PACSIN1: variants seen among roughly 807,000 people sequenced by gnomAD.
PACSIN1 encodes the protein protein kinase C and casein kinase substrate in neurons 1, also known as protein kinase C and casein kinase substrate in neurons protein 1.
In PACSIN1, 15 loss-of-function variants were observed where a neutral mutation model predicts 59.5. That is an observed-to-expected ratio of 0.25 (90% CI 0.17 to 0.39). The LOEUF (loss-of-function observed/expected upper bound fraction) is 0.39. PACSIN1 is among the 10% of genes least tolerant of loss of function. The probability of loss-of-function intolerance (pLI) is 1.00; values close to 1 mark genes in which losing one functional copy is unlikely to be tolerated. For synonymous variants in PACSIN1, 210 were observed against 220.6 expected (o/e 0.95, Z 0.42); for missense variants, 420 against 580.2 (o/e 0.72, Z 2.84).
At chr6:34,490,226 C>T (rs9469794) in intron 1 of PACSIN1, among the ~76,000 whole-genome samples, 19 of 102,706 alleles carry the variant, frequency 1.8e-4, no homozygotes, top group African/African-American at 6.2e-4. Flanking sequence ...AATTTAAAAA[C>T]TTTTTTTTTT....
intron 1 of PACSIN1, among the ~76,000 whole-genome samples, chr6:34,505,109 C>T (rs1767088996): frequency 6.6e-6 from 1 of 152,070 alleles, no homozygotes. Flanking sequence ...CCCAGGAGGC[C>T]TCAGCCTCCC....
At chr6:34,506,850 C>T (rs1446463447) in intron 1 of PACSIN1, among the ~76,000 whole-genome samples, 1 of 152,140 alleles carries the variant, frequency 6.6e-6, no homozygotes, top group Non-Finnish European at 1.5e-5. Flanking sequence ...GAGGGAGGGG[C>T]ACCTTGTTAT....
At chr6:34,476,351 G>A (rs1008207366) in intron 1 of PACSIN1, among the ~76,000 whole-genome samples, 13 of 152,222 alleles carry the variant, frequency 8.5e-5, no homozygotes, top group African/African-American at 2.9e-4. Flanking sequence ...GTGTGATAGA[G>A]CTGGGATTCG....
chr6:34,528,669 C>T lies in PACSIN1; in HGVS notation c.248C>T (p.Ala83Val). 6.2e-7 allele frequency: 1 copy of T among 1,613,870 alleles called. No individual in the cohort carries two copies. Among genetic ancestry groups the T allele is most frequent in the Non-Finnish European group, 8.5e-7 (1 of 1,179,942 alleles). Residue 83 changes from alanine to valine, a missense_variant, in exon 4 of 10, where the codon GCC becomes GTC. Ala to Val is a moderately conservative substitution (Grantham distance 64). Coordinates refer to ENST00000244458, the MANE Select transcript of PACSIN1 (RefSeq NM_020804.5). Reference sequence around the variant, plus strand: ...CCACAGTATGGCAGCCTGGAGCGGGCCTGGGGTGCCATAATGACAGAGGCA... The same window carrying T: ...CCACAGTATGGCAGCCTGGAGCGGGTCTGGGGTGCCATAATGACAGAGGCA... ...KGPQYGSLER[A>V]WGAIMTEADK...
At position 34,496,256 on chromosome 6, in the gene PACSIN1, C is replaced by T. The variant is rs947999449; in HGVS notation, c.-64+29986C>T. Among the ~76,000 whole-genome samples the T allele has an allele frequency of 2.0e-4, 30 of 152,182 alleles. 1 individual carries two copies. The highest frequency in any genetic ancestry group is 2.0e-3 in the Admixed American group (30 of 15,278). On this transcript the variant is annotated intron_variant, in intron 1 of 9. Transcript: ENST00000244458. Reference sequence around the variant, plus strand: ...GCGGTAATTATGAAGATTGCACAGGCAAATGGATTCTAGTTTACATTCTGC... The same window carrying T: ...GCGGTAATTATGAAGATTGCACAGGTAAATGGATTCTAGTTTACATTCTGC...
At chr6:34,494,590 G>T (rs1028651363) in intron 1 of PACSIN1, among the ~76,000 whole-genome samples, 9 of 151,980 alleles carry the variant, frequency 5.9e-5, no homozygotes, top group Non-Finnish European at 1.2e-4. Flanking sequence ...CCACAGTTGT[G>T]CACCCCCCAT....
chr6:34,519,010 G>A (rs1423861112), intron 1 of PACSIN1, among the ~76,000 whole-genome samples: 6 of 152,140 alleles, frequency 3.9e-5, no homozygotes, highest in Non-Finnish European at 8.8e-5. Flanking sequence ...TTTTCTGGAG[G>A]AGAGAGAGAG....
intron 1 of PACSIN1, among the ~76,000 whole-genome samples, chr6:34,486,788 C>T (rs1409402108): frequency 2.0e-5 from 3 of 151,744 alleles, no homozygotes; most frequent in African/African-American, 4.8e-5. Flanking sequence ...GCCTCTTCCC[C>T]ACTTCAGTAG....
rs763659276 is a variant in PACSIN1, at chr6:34,534,378, G to A, written c.*1848G>A. ...CCTTCCTTATCACTGTCTGGTCTCC[G>A]AGCTTCGGCTGCAGCCTGAGGTGTG... On this transcript the variant is annotated 3_prime_UTR_variant, in exon 10 of 10. Coordinates refer to ENST00000244458, the MANE Select transcript of PACSIN1 (RefSeq NM_020804.5). 1 of 152,768 alleles carries A rather than the reference G, an allele frequency of 6.5e-6. No individual in the cohort carries two copies. Among genetic ancestry groups the A allele is most frequent in the African/African-American group, 2.4e-5 (1 of 41,426 alleles). 9.5% of individuals were successfully genotyped at this position (152,768 alleles called of 1,614,324 possible).
chr6:34,482,971 G>T (rs1261176928), intron 1 of PACSIN1, among the ~76,000 whole-genome samples: 1 of 148,142 alleles, frequency 6.8e-6, no homozygotes, highest in Non-Finnish European at 1.5e-5. Flanking sequence ...ACAGATGTTA[G>T]CCACTGCGCC....
Position 34,488,698 on chromosome 6 carries a change from G to C in PACSIN1, c.-64+22428G>C, listed in dbSNP as rs1421696759. Reference sequence around the variant, plus strand: ...AAGACAGCTCACCATCCTTGCAGGAGATCAGCTCCAAGCTGGCACCTCATC... The same window carrying C: ...AAGACAGCTCACCATCCTTGCAGGACATCAGCTCCAAGCTGGCACCTCATC... On this transcript the variant is annotated intron_variant, in intron 1 of 9. Transcript: ENST00000244458. The surrounding 1 kb of genome is among the most constrained non-coding windows in gnomAD (Gnocchi z 4.7). Among the ~76,000 whole-genome samples, 3 of 152,138 alleles carry C rather than the reference G, an allele frequency of 2.0e-5. 1 individual carries two copies. The highest frequency in any genetic ancestry group is 4.4e-5 in the Non-Finnish European group (3 of 68,034).
intron 1 of PACSIN1, among the ~76,000 whole-genome samples, chr6:34,490,413 G>A (rs868703737): frequency 7.9e-5 from 12 of 151,912 alleles, no homozygotes; most frequent in African/African-American, 2.9e-4. Context: ...CTTGTTTGCT[G>A]CCCTTCTGGC....
At chr6:34,467,280 G>T (rs1000342462) in intron 1 of PACSIN1, among the ~76,000 whole-genome samples, 1 of 152,182 alleles carries the variant, frequency 6.6e-6, no homozygotes, top group Non-Finnish European at 1.5e-5. Context: ...TTGTGGCTGG[G>T]TTATTTGTCT....
At chr6:34,511,113 T>C (rs529268791) in intron 1 of PACSIN1, among the ~76,000 whole-genome samples, 1 of 152,364 alleles carries the variant, frequency 6.6e-6, no homozygotes, top group East Asian at 1.9e-4. Context: ...ATCATCTGTT[T>C]ATCTACCGTG....
chr6:34,491,530 G>A (rs1444321377), intron 1 of PACSIN1, among the ~76,000 whole-genome samples: 1 of 152,080 alleles, frequency 6.6e-6, no homozygotes, highest in Non-Finnish European at 1.5e-5. Context: ...CAGGAGGGTC[G>A]CTGCTGGGAA....
intron 1 of PACSIN1, among the ~76,000 whole-genome samples, chr6:34,496,230 T>C (rs1766944760): frequency 6.6e-6 from 1 of 152,236 alleles, no homozygotes; most frequent in African/African-American, 2.4e-5. Flanking sequence ...GGATAATTGC[T>C]GCGGTAATTA....
chr6:34,489,076 G>A (rs959485757), intron 1 of PACSIN1, among the ~76,000 whole-genome samples: 3 of 151,960 alleles, frequency 2.0e-5, no homozygotes, highest in Non-Finnish European at 4.4e-5. Context: ...AGCTACTTGG[G>A]GGGCTGAGGC....
chr6:34,523,102 A>C (rs554040467), intron 1 of PACSIN1, among the ~76,000 whole-genome samples: 1 of 152,324 alleles, frequency 6.6e-6, no homozygotes, highest in South Asian at 2.1e-4. Context: ...CATCACACTG[A>C]GCAACCTTTG....
At chr6:34,527,964 T>C (rs962470132) in intron 3 of PACSIN1, among the ~76,000 whole-genome samples, 2 of 152,246 alleles carry the variant, frequency 1.3e-5, no homozygotes, top group African/African-American at 4.8e-5. Flanking sequence ...ATACGACCCA[T>C]ACGCACATTT....
Sources: gnomAD v4.1 joint callset for allele counts (sites outside exome capture counted in the v4.1 genomes callset) on GRCh38, gnomAD v4.1.1 for gene constraint, Gnocchi (gnomAD v3.1) non-coding constraint, MANE v1.5 for transcripts, NCBI Gene and HGNC (gene_info 2026-07-23, HGNC 2026-07-21) for gene names.